Variants in NAALADL2 observed in about 807,000 individuals in gnomAD.
The protein encoded by NAALADL2 is N-acetylated alpha-linked acidic dipeptidase like 2.
In NAALADL2, 76 loss-of-function variants were observed where a neutral mutation model predicts 87.2. That is an observed-to-expected ratio of 0.87 (90% CI 0.72 to 1.05). The LOEUF (loss-of-function observed/expected upper bound fraction) is 1.05, where lower values mean the gene tolerates loss of function less well. Among genes scored for constraint, NAALADL2 ranks in the 50% least tolerant of loss-of-function variants. The pLI is 0.00. For synonymous variants in NAALADL2, 354 were observed against 331.0 expected (o/e 1.07, Z -0.75); for missense variants, 1,089 against 945.8 (o/e 1.15, Z -1.99).
intron 4 of NAALADL2, among the ~76,000 whole-genome samples, chr3:175,257,589 G>A (rs1750215741): frequency 6.6e-6 from 1 of 151,932 alleles, no homozygotes; most frequent in African/African-American, 2.4e-5. Flanking sequence ...TTGGGGTCAG[G>A]GTGGGGGGGC....
intron 1 of NAALADL2, among the ~76,000 whole-genome samples, chr3:174,893,938 C>A (rs554716147): frequency 1.4e-4 from 21 of 152,056 alleles, no homozygotes; most frequent in Non-Finnish European, 2.8e-4. Context: ...AATGGATTTA[C>A]AAAAACAAGA....
At chr3:175,585,627 A>G (rs1034379804) in intron 10 of NAALADL2, among the ~76,000 whole-genome samples, 1 of 152,188 alleles carries the variant, frequency 6.6e-6, no homozygotes, top group Non-Finnish European at 1.5e-5. Context: ...TATGCATCCA[A>G]AAGTTTACAT....
At chr3:175,185,414 CAAT>C (rs1580835116) in intron 2 of NAALADL2, among the ~76,000 whole-genome samples, 1 of 151,388 alleles carries the variant, frequency 6.6e-6, no homozygotes, top group African/African-American at 2.4e-5. Context: ...TATATCCACA[CAAT>C]GATGAAGAAA....
intron 2 of NAALADL2, among the ~76,000 whole-genome samples, chr3:175,231,606 A>C (rs1744946306): frequency 1.3e-5 from 2 of 152,084 alleles, no homozygotes; most frequent in African/African-American, 4.8e-5. Context: ...CTTGCACCAT[A>C]AAGCAACTGA....
intron 6 of NAALADL2, among the ~76,000 whole-genome samples, chr3:175,460,461 C>A (rs1209277715): frequency 6.6e-6 from 1 of 152,082 alleles, no homozygotes; most frequent in African/African-American, 2.4e-5. Flanking sequence ...TGGAAGGATC[C>A]AATGTAAATA....
At chr3:174,499,839 T>G (rs1331982942) in intron 1 of NAALADL2, among the ~76,000 whole-genome samples, 1 of 152,144 alleles carries the variant, frequency 6.6e-6, no homozygotes, top group East Asian at 1.9e-4. Flanking sequence ...TTATAGTAAG[T>G]CTTTTAATCA....
chr3:175,769,998 C>A (rs1439748914), intron 13 of NAALADL2, among the ~76,000 whole-genome samples: 1 of 151,802 alleles, frequency 6.6e-6, no homozygotes, highest in Non-Finnish European at 1.5e-5. Flanking sequence ...GTTTTGAGGC[C>A]TCCAACTGAT....
intron 12 of NAALADL2, among the ~76,000 whole-genome samples, chr3:175,754,206 G>A (rs750329392): frequency 6.6e-5 from 10 of 152,230 alleles, no homozygotes; most frequent in South Asian, 2.1e-4. Flanking sequence ...CTATGAAGCA[G>A]GTACTATTAT....
At chr3:174,653,041 A>G (rs1724535975) in intron 2 of NAALADL2, among the ~76,000 whole-genome samples, 1 of 152,186 alleles carries the variant, frequency 6.6e-6, no homozygotes, top group Non-Finnish European at 1.5e-5. Flanking sequence ...ATGATTACAT[A>G]AAAAAGACTG....
At position 175,269,097 on chromosome 3, in the gene NAALADL2, C is replaced by A. The variant is rs1406789944; in HGVS notation, c.939+12567C>A. 3.3e-5 allele frequency among the ~76,000 whole-genome samples: 5 copies of A among 151,128 alleles called. No individual in the cohort carries two copies. In the East Asian group the frequency reaches 9.9e-4, roughly 30 times the overall value. On this transcript the variant is annotated intron_variant, in intron 4 of 13. Transcript: ENST00000454872. ...AGGATTACAGATGTGTGCCACCATG[C>A]CTGACTAATATTTGTATTTTCAGTA... is the stretch of plus-strand genomic sequence containing the variant.
intron 1 of NAALADL2, among the ~76,000 whole-genome samples, chr3:174,884,594 G>C (rs1729829589): frequency 6.6e-6 from 1 of 152,108 alleles, no homozygotes; most frequent in Non-Finnish European, 1.5e-5. Context: ...ATTGTGTGCA[G>C]GATAGGCAAA....
chr3:175,310,401 G>T (rs1294342600), intron 4 of NAALADL2, among the ~76,000 whole-genome samples: 1 of 151,698 alleles, frequency 6.6e-6, no homozygotes, highest in Non-Finnish European at 1.5e-5. Context: ...AATTTTGAAG[G>T]CAGTAGAAAT....
chr3:175,288,247 C>T (rs540877416), intron 4 of NAALADL2, among the ~76,000 whole-genome samples: 5 of 152,188 alleles, frequency 3.3e-5, no homozygotes, highest in African/African-American at 1.2e-4. Context: ...AGGAAGAATC[C>T]TCTCTTACTC....
At chr3:174,689,325 C>T (rs1728339282) in intron 2 of NAALADL2, among the ~76,000 whole-genome samples, 1 of 151,860 alleles carries the variant, frequency 6.6e-6, no homozygotes, top group Non-Finnish European at 1.5e-5. Context: ...TAGCCCTCAG[C>T]CATCAAGAGC....
intron 1 of NAALADL2, among the ~76,000 whole-genome samples, chr3:175,077,178 G>A (rs1716762937): frequency 6.6e-6 from 1 of 152,156 alleles, no homozygotes; most frequent in African/African-American, 2.4e-5. Flanking sequence ...CTAGTCTGAA[G>A]TATTTGAAGT....
At chr3:175,733,741 T>C (rs747047166) in intron 11 of NAALADL2, among the ~76,000 whole-genome samples, 4 of 151,790 alleles carry the variant, frequency 2.6e-5, no homozygotes, top group Non-Finnish European at 5.9e-5. Context: ...CAAAAGAAAG[T>C]TAGTTACTTC....
chr3:175,615,981 A>G (rs1725300134), intron 10 of NAALADL2, among the ~76,000 whole-genome samples: 1 of 147,460 alleles, frequency 6.8e-6, no homozygotes, highest in Admixed American at 6.8e-5. Flanking sequence ...CTTATAATAT[A>G]TATTATATCA....
At chr3:174,718,896 T>A (rs1731450146) in intron 2 of NAALADL2, among the ~76,000 whole-genome samples, 1 of 152,186 alleles carries the variant, frequency 6.6e-6, no homozygotes, top group South Asian at 2.1e-4. Flanking sequence ...AGTAAGAAGT[T>A]ATAGGAAAGA....
intron 5 of NAALADL2, among the ~76,000 whole-genome samples, chr3:175,411,720 A>G (rs1268116682): frequency 6.6e-6 from 1 of 152,118 alleles, no homozygotes; most frequent in African/African-American, 2.4e-5. Context: ...ACAAGCTAAG[A>G]TGTCCAAAAT....
Sources: allele counts gnomAD v4.1 joint callset (sites outside exome capture counted in the v4.1 genomes callset), GRCh38; gene constraint gnomAD v4.1.1; transcripts MANE v1.5; gene names NCBI Gene and HGNC (gene_info 2026-07-23, HGNC 2026-07-21).